Variants in SGCD observed in about 807,000 individuals in gnomAD.
SGCD encodes the protein delta-sarcoglycan.
In SGCD, 18 loss-of-function variants were observed where a neutral mutation model predicts 36.6. The observed-to-expected ratio is 0.49, with a 90% CI of 0.34 to 0.73. The LOEUF (loss-of-function observed/expected upper bound fraction) is 0.73, where lower values mean the gene tolerates loss of function less well. SGCD is among the 30% of genes least tolerant of loss of function. The probability of loss-of-function intolerance (pLI) is 0.01; values close to 1 mark genes in which losing one functional copy is unlikely to be tolerated. For synonymous variants in SGCD, 133 were observed against 130.6 expected (o/e 1.02, Z -0.12); for missense variants, 387 against 346.7 (o/e 1.12, Z -0.92).
intron 3 of SGCD, among the ~76,000 whole-genome samples, chr5:156,317,268 T>C (rs1390845457): frequency 6.6e-6 from 1 of 152,152 alleles, no homozygotes; most frequent in Non-Finnish European, 1.5e-5. Context: ...GGTATGGTTA[T>C]GTATATAAGA....
intron 7 of SGCD, among the ~76,000 whole-genome samples, chr5:156,715,216 G>C (rs1322787878): frequency 6.6e-6 from 1 of 152,154 alleles, no homozygotes; most frequent in African/African-American, 2.4e-5. Flanking sequence ...GTAGGAAATA[G>C]GTAAGATGAA....
At chr5:156,576,828 A>T (rs1181418690) in intron 4 of SGCD, among the ~76,000 whole-genome samples, 1 of 151,862 alleles carries the variant, frequency 6.6e-6, no homozygotes, top group Non-Finnish European at 1.5e-5. Flanking sequence ...CTTTTGTTAG[A>T]TGGGTAGATT....
intron 3 of SGCD, among the ~76,000 whole-genome samples, chr5:156,399,659 G>A (rs527981271): frequency 6.6e-6 from 1 of 152,270 alleles, no homozygotes; most frequent in South Asian, 2.1e-4. Context: ...GGCTTGCAAA[G>A]CAGATTAATG....
At chr5:156,149,960 T>A (rs1762795292) in intron 3 of SGCD, among the ~76,000 whole-genome samples, 1 of 152,160 alleles carries the variant, frequency 6.6e-6, no homozygotes, top group Non-Finnish European at 1.5e-5. Context: ...CTTTTTAGCC[T>A]CCTAATTGGT....
intron 3 of SGCD, among the ~76,000 whole-genome samples, chr5:156,164,206 ATG>A (rs1459570561): frequency 1.3e-5 from 2 of 151,380 alleles, no homozygotes; most frequent in African/African-American, 4.9e-5. Flanking sequence ...ATAAATGTAA[ATG>A]TGTGTGTATT....
chr5:156,199,109 G>A (rs1227103510), intron 3 of SGCD, among the ~76,000 whole-genome samples: 1 of 152,070 alleles, frequency 6.6e-6, no homozygotes, highest in Non-Finnish European at 1.5e-5. Context: ...TCGCACCTCA[G>A]TGAAGAAAAC....
intron 7 of SGCD, among the ~76,000 whole-genome samples, chr5:156,718,333 A>G (rs1396669302): frequency 6.6e-6 from 1 of 152,204 alleles, no homozygotes; most frequent in Non-Finnish European, 1.5e-5. Flanking sequence ...ATAGTAGGGT[A>G]TGAATGTTTC....
intron 3 of SGCD, among the ~76,000 whole-genome samples, chr5:156,187,261 A>G (rs552856354): frequency 6.6e-6 from 1 of 152,212 alleles, no homozygotes; most frequent in Non-Finnish European, 1.5e-5. Context: ...TTCTGCTTGG[A>G]TAATGGGGAA....
chr5:156,590,255 C>A, intron 5 of SGCD, among the ~76,000 whole-genome samples: 1 of 152,084 alleles, frequency 6.6e-6, no homozygotes, highest in East Asian at 1.9e-4. Context: ...AAACAGGTAC[C>A]TTTGTGACCA....
At position 156,503,829 on chromosome 5, in the gene SGCD, A is replaced by G. The variant is rs555704274; in HGVS notation, c.193-4772A>G. Among the ~76,000 whole-genome samples the G allele has an allele frequency of 2.0e-5, 3 of 152,340 alleles. No individual in the cohort carries two copies. In the East Asian group the frequency reaches 5.8e-4, roughly 29 times the overall value. On this transcript the variant is annotated intron_variant, in intron 3 of 8. Transcript: ENST00000337851. ...AGGTAAGTGTTGATTTTTAAAATAA[A>G]TCACCAAGGAAAACTTTATTTTTTG...
chr5:156,452,662 C>T (rs1050684826), intron 3 of SGCD, among the ~76,000 whole-genome samples: 3 of 152,090 alleles, frequency 2.0e-5, no homozygotes, highest in African/African-American at 7.2e-5. Flanking sequence ...TCTTTCCTAA[C>T]ATTTATTTTA....
chr5:156,348,363 G>C (rs1290368029), intron 3 of SGCD, among the ~76,000 whole-genome samples: 3 of 151,974 alleles, frequency 2.0e-5, no homozygotes, highest in Non-Finnish European at 2.9e-5. Flanking sequence ...AACTCTAAAG[G>C]CTCCTCCAAA....
chr5:155,838,367 T>C, the SGCD span, among the ~76,000 whole-genome samples: 1 of 152,328 alleles, frequency 6.6e-6, no homozygotes, highest in East Asian at 1.9e-4. Context: ...TTTTAGTCTA[T>C]AATTTTCTCC....
At chr5:156,104,543 T>C (rs1358366298) in intron 1 of SGCD, among the ~76,000 whole-genome samples, 1 of 152,148 alleles carries the variant, frequency 6.6e-6, no homozygotes, top group Non-Finnish European at 1.5e-5. Context: ...TTGGGGTACA[T>C]ACTAATCTGT....
intron 3 of SGCD, among the ~76,000 whole-genome samples, chr5:156,291,140 C>A (rs183915498): frequency 6.6e-6 from 1 of 152,062 alleles, no homozygotes; most frequent in Non-Finnish European, 1.5e-5. Context: ...TCAGTGGGTA[C>A]AAACATACAG....
At chr5:156,275,372 A>G (rs1345283590) in intron 3 of SGCD, among the ~76,000 whole-genome samples, 1 of 152,218 alleles carries the variant, frequency 6.6e-6, no homozygotes, top group Non-Finnish European at 1.5e-5. Flanking sequence ...TAAAGTTTAC[A>G]GTGTACATAC....
intron 1 of SGCD, among the ~76,000 whole-genome samples, chr5:156,070,052 G>C (rs1760493129): frequency 6.6e-6 from 1 of 151,544 alleles, no homozygotes; most frequent in Non-Finnish European, 1.5e-5. Context: ...GGGTTTTCTA[G>C]ATATACAATC....
At chr5:156,285,925 C>A (rs528763096) in intron 3 of SGCD, among the ~76,000 whole-genome samples, 136 of 152,268 alleles carry the variant, frequency 8.9e-4, no homozygotes, top group Admixed American at 2.0e-3. Flanking sequence ...ATCTACTCAT[C>A]TGACAAAGGG....
chr5:156,097,261 T>G (rs1761402432), intron 1 of SGCD, among the ~76,000 whole-genome samples: 1 of 152,178 alleles, frequency 6.6e-6, no homozygotes, highest in Non-Finnish European at 1.5e-5. Flanking sequence ...ATTTGCAAAG[T>G]TTTTAGCTAA....
Sources: gnomAD v4.1 joint callset for allele counts (sites outside exome capture counted in the v4.1 genomes callset) on GRCh38, gnomAD v4.1.1 for gene constraint, MANE v1.5 for transcripts, NCBI Gene and HGNC (gene_info 2026-07-23, HGNC 2026-07-21) for gene names.